The following CSMD1 variants were observed in gnomAD, a reference collection of about 807,000 sequenced individuals.
The protein encoded by CSMD1 is CUB and sushi domain-containing protein 1.
In CSMD1, 213 loss-of-function variants were observed where a neutral mutation model predicts 417.5. The observed-to-expected ratio is 0.51, with a 90% confidence interval of 0.46 to 0.57. CSMD1 has a LOEUF of 0.57. CSMD1 is among the 20% of genes least tolerant of loss of function. CSMD1 has a pLI of 0.00. For missense variants in CSMD1, 6,923 were observed against 4,529.7 expected (o/e 1.53, Z -15.17); for synonymous variants, 2,862 against 1,736.8 (o/e 1.65, Z -16.11).
chr8:4,108,107 CGGAGGA>C (rs751095731), intron 3 of CSMD1, among the ~76,000 whole-genome samples: 44 of 150,392 alleles, frequency 2.9e-4, no homozygotes, highest in Non-Finnish European at 4.1e-4. Flanking sequence ...AAGAAAAAGA[CGGAGGA>C]GGAGGAGGAG....
At chr8:4,065,481 C>G (rs1044481303) in intron 3 of CSMD1, among the ~76,000 whole-genome samples, 1 of 152,124 alleles carries the variant, frequency 6.6e-6, no homozygotes, top group South Asian at 2.1e-4. Context: ...TGTACATTAG[C>G]TAATACAAAG....
intron 7 of CSMD1, among the ~76,000 whole-genome samples, chr8:3,632,733 C>A (rs974817107): frequency 7.2e-5 from 11 of 152,186 alleles, no homozygotes; most frequent in South Asian, 2.1e-4. Context: ...GATGACCACA[C>A]CAATGTCCTT....
At chr8:4,972,279 A>C (rs4559260) in intron 1 of CSMD1, among the ~76,000 whole-genome samples, 75,537 of 148,386 alleles carry the variant, frequency 0.51, 19,414 homozygotes, top group Middle Eastern at 0.65. Flanking sequence ...TTGCTCTGTC[A>C]CCACCAAAAA....
chr8:3,251,199 C>G lies in CSMD1; in HGVS notation c.4154-20968G>C, dbSNP rs1361019908. ...TTCTAGGGTTTTTATGGTTTTAGGT[C>G]TAACATTTAAGTCTTTAACCCATCT... On this transcript the variant is annotated intron_variant, in intron 26 of 69. Transcript: ENST00000635120. Among the ~76,000 whole-genome samples the G allele has an allele frequency of 4.6e-5, 7 of 152,208 alleles. No homozygotes were observed. The South Asian group carries it at 8.3e-4, about 18-fold the overall frequency.
chr8:3,175,889 A>C (rs1313939900), intron 37 of CSMD1, among the ~76,000 whole-genome samples: 5 of 152,344 alleles, frequency 3.3e-5, no homozygotes, highest in Non-Finnish European at 7.3e-5. Flanking sequence ...AAGGCAGTGA[A>C]ATAAAAACCT....
chr8:3,625,307 T>C (rs1233681408), intron 7 of CSMD1, among the ~76,000 whole-genome samples: 1 of 152,226 alleles, frequency 6.6e-6, no homozygotes, highest in Non-Finnish European at 1.5e-5. Flanking sequence ...CGTATTGTTT[T>C]AGATCTCATA....
At chr8:3,747,001 C>T (rs1009557542) in intron 6 of CSMD1, among the ~76,000 whole-genome samples, 6 of 152,214 alleles carry the variant, frequency 3.9e-5, no homozygotes, top group Non-Finnish European at 7.3e-5. Flanking sequence ...AAAGTTCCTC[C>T]TTTCATTAGG....
At chr8:4,028,540 C>G (rs1358704594) in intron 4 of CSMD1, among the ~76,000 whole-genome samples, 1 of 151,838 alleles carries the variant, frequency 6.6e-6, no homozygotes, top group Admixed American at 6.6e-5. Flanking sequence ...CAATAACTAG[C>G]GAAGGATAAA....
At chr8:4,831,461 G>A (rs1687985093) in intron 1 of CSMD1, among the ~76,000 whole-genome samples, 1 of 152,134 alleles carries the variant, frequency 6.6e-6, no homozygotes, top group Admixed American at 6.5e-5. Context: ...TATGTGCCAA[G>A]CATTTTACAC....
chr8:4,211,319 T>C (rs748889433), intron 3 of CSMD1, among the ~76,000 whole-genome samples: 12 of 152,294 alleles, frequency 7.9e-5, no homozygotes, highest in Non-Finnish European at 1.2e-4. Flanking sequence ...GCTATCATTA[T>C]ATCCAACTGT....
chr8:3,001,069 C>A (rs1448537819), intron 52 of CSMD1, among the ~76,000 whole-genome samples: 2 of 151,952 alleles, frequency 1.3e-5, no homozygotes, highest in East Asian at 3.9e-4. Flanking sequence ...AGCCTCAATC[C>A]CTTGGGCTCA....
chr8:4,931,776 G>A (rs758120638), intron 1 of CSMD1, among the ~76,000 whole-genome samples: 2 of 152,164 alleles, frequency 1.3e-5, no homozygotes, highest in African/African-American at 4.8e-5. Context: ...CCACAGAAAG[G>A]GTGGTGAGGC....
At position 4,289,709 on chromosome 8, in the gene CSMD1, A is replaced by C. The variant is rs140562899; in HGVS notation, c.415+130244T>G. On this transcript the variant is annotated intron_variant, in intron 3 of 69. Transcript: ENST00000635120. ...CAAAACTTTCAGCTTTGCTTTCTTC[A>C]GCTACTGAGATTTTGCTACTGGGTA... Among the ~76,000 whole-genome samples, 801 of 152,288 alleles carry C rather than the reference A, an allele frequency of 5.3e-3. 4 individuals are homozygous for C. Among genetic ancestry groups the C allele is most frequent in the African/African-American group, 0.017 (721 of 41,562 alleles).
intron 1 of CSMD1, among the ~76,000 whole-genome samples, chr8:4,658,670 A>C (rs1423240395): frequency 6.6e-6 from 1 of 152,170 alleles, no homozygotes; most frequent in African/African-American, 2.4e-5. Flanking sequence ...CGTTAGAAAA[A>C]TTAAAAACTA....
chr8:4,459,955 C>A (rs1799709965), intron 2 of CSMD1, among the ~76,000 whole-genome samples: 1 of 152,038 alleles, frequency 6.6e-6, no homozygotes, highest in South Asian at 2.1e-4. Flanking sequence ...CATAGAGGAA[C>A]AGAACAATCT....
At chr8:3,718,732 G>T (rs939157223) in intron 6 of CSMD1, among the ~76,000 whole-genome samples, 3 of 152,134 alleles carry the variant, frequency 2.0e-5, no homozygotes, top group Admixed American at 2.0e-4. Context: ...TGCTTTACTG[G>T]AAGAAAGGCA....
intron 3 of CSMD1, among the ~76,000 whole-genome samples, chr8:4,416,245 A>C (rs915159622): frequency 1.3e-5 from 2 of 152,194 alleles, no homozygotes; most frequent in Admixed American, 6.5e-5. Context: ...ATTATGTACA[A>C]AACTTCTATT....
At chr8:4,006,930 C>G (rs919630095) in intron 4 of CSMD1, among the ~76,000 whole-genome samples, 12 of 144,008 alleles carry the variant, frequency 8.3e-5, no homozygotes, top group Admixed American at 6.6e-4. Context: ...TGGGTTCAAG[C>G]GATTCTCCTG....
chr8:3,722,262 C>T (rs1219050720), intron 6 of CSMD1, among the ~76,000 whole-genome samples: 1 of 152,000 alleles, frequency 6.6e-6, no homozygotes, highest in Non-Finnish European at 1.5e-5. Flanking sequence ...GAGTCGAGAT[C>T]ACACCACTGC....
Sources: gnomAD v4.1 joint callset for allele counts (sites outside exome capture counted in the v4.1 genomes callset) on GRCh38, gnomAD v4.1.1 for gene constraint, MANE v1.5 for transcripts, NCBI Gene and HGNC (gene_info 2026-07-23, HGNC 2026-07-21) for gene names.